ARHGAP25: variants seen among roughly 807,000 people sequenced by gnomAD.
ARHGAP25 encodes rho GTPase-activating protein 25.
Under a neutral mutation model 71.0 loss-of-function variants are expected in ARHGAP25, and 34 were observed. The observed-to-expected ratio is 0.48, with a 90% CI of 0.36 to 0.64. The LOEUF (loss-of-function observed/expected upper bound fraction) is 0.64, where lower values mean the gene tolerates loss of function less well. Ranked by LOEUF, ARHGAP25 falls within the 30% of genes least tolerant of loss-of-function variation. The probability of loss-of-function intolerance (pLI) is 0.00; values close to 1 mark genes in which losing one functional copy is unlikely to be tolerated. For missense variants in ARHGAP25, 706 were observed against 805.1 expected (o/e 0.88, Z 1.49); for synonymous variants, 282 against 296.5 (o/e 0.95, Z 0.50).
chr2:68,807,287 C>T lies in ARHGAP25; in HGVS notation c.481C>T (p.Arg161Cys), dbSNP rs141376321. The T allele has an allele frequency of 1.9e-6, 3 of 1,614,220 alleles. No individual in the cohort carries two copies. The highest frequency in any genetic ancestry group is 2.2e-5 in the East Asian group (1 of 44,872). The change falls in exon 5 of 11, where the codon CGC becomes TGC. Residue 161 changes from arginine (R) to cysteine (C), a missense_variant. Transcript: ENST00000409202. ...TCTCTCCTCAGCAGTGTTTGGCCAGCGCTTGGATGAGACTGTGGCCTATGA... is the reference window on the plus strand; with the variant it reads ...TCTCTCCTCAGCAGTGTTTGGCCAGTGCTTGGATGAGACTGTGGCCTATGA... The part of the protein sequence containing the change: ...GTPCGAVFGQ[R>C]LDETVAYEQK...
chr2:68,719,477 A>C (rs1031267377), intron 2 of ARHGAP25, among the ~76,000 whole-genome samples: 1 of 152,000 alleles, frequency 6.6e-6, no homozygotes, highest in African/African-American at 2.4e-5. Flanking sequence ...CAAACAAATA[A>C]GAACAACGCC....
At chr2:68,743,899 T>C (rs944452907) in intron 1 of ARHGAP25, among the ~76,000 whole-genome samples, 5 of 152,190 alleles carry the variant, frequency 3.3e-5, no homozygotes, top group East Asian at 3.8e-4. Flanking sequence ...GCTGTAATTG[T>C]GTTAGGTGCT....
intron 6 of ARHGAP25, among the ~76,000 whole-genome samples, chr2:68,814,294 G>GGTCTAA (rs1681047082): frequency 6.6e-6 from 1 of 152,166 alleles, no homozygotes; most frequent in South Asian, 2.1e-4. Context: ...AACTTTCTAT[G>GGTCTAA]GTAATGGAAC....
At chr2:68,785,678 A>T (rs1340101214) in intron 3 of ARHGAP25, among the ~76,000 whole-genome samples, 1 of 152,214 alleles carries the variant, frequency 6.6e-6, no homozygotes, top group Non-Finnish European at 1.5e-5. Flanking sequence ...AAGGGATTAT[A>T]GAATAAGGAC....
Position 68,822,555 on chromosome 2 carries a change from G to C in ARHGAP25, c.1416G>C (p.Ser472=). The C allele has an allele frequency of 1.9e-6, 3 of 1,614,158 alleles. No individual in the cohort carries two copies. The highest frequency in any genetic ancestry group is 2.5e-6 in the Non-Finnish European group (3 of 1,180,036). The change falls in exon 10 of 11, where the codon TCG becomes TCC. Residue 472 remains serine (S), a synonymous_variant. Coordinates refer to ENST00000409202, the MANE Select transcript of ARHGAP25 (RefSeq NM_001007231.3). ...KMEIFKNEFW[S]PSSEAKAGEG... ...AGATCTTTAAAAATGAATTCTGGTCGCCTTCCTCAGAGGCTAAGGCAGGGG... is the reference window on the plus strand; with the variant it reads ...AGATCTTTAAAAATGAATTCTGGTCCCCTTCCTCAGAGGCTAAGGCAGGGG...
chr2:68,729,273 A>G (rs141381642), intron 2 of ARHGAP25, among the ~76,000 whole-genome samples: 130 of 152,338 alleles, frequency 8.5e-4, no homozygotes, highest in African/African-American at 3.1e-3. Flanking sequence ...AATACAGCTC[A>G]TAAAAAACAA....
rs368824672 is a variant in ARHGAP25 at position 68,805,345 on chromosome 2, G to A, written c.467-1928G>A. On this transcript the variant is annotated intron_variant, in intron 4 of 10. Transcript: ENST00000409202. The stretch of plus-strand genomic sequence containing the variant: ...AGAAGTATCTAATCACAGTCTCACC[G>A]CAATGCAATAAGTGAAACGAACAAC... Among the ~76,000 whole-genome samples, 422 of 152,088 alleles carry A rather than the reference G, an allele frequency of 2.8e-3. 1 individual carries two copies. The highest frequency in any genetic ancestry group is 9.6e-3 in the African/African-American group (397 of 41,500).
intron 5 of ARHGAP25, among the ~76,000 whole-genome samples, chr2:68,812,093 G>C (rs939962116): frequency 2.6e-5 from 4 of 152,086 alleles, no homozygotes; most frequent in Non-Finnish European, 4.4e-5. Context: ...TTCTTAATGG[G>C]CCACATATTA....
At chr2:68,790,703 C>G (rs1679109544) in intron 4 of ARHGAP25, among the ~76,000 whole-genome samples, 1 of 152,168 alleles carries the variant, frequency 6.6e-6, no homozygotes, top group Non-Finnish European at 1.5e-5. Flanking sequence ...TGTCAAATTA[C>G]AGCACTAACC....
At chr2:68,769,536 A>G (rs13413887) in intron 1 of ARHGAP25, among the ~76,000 whole-genome samples, 107,988 of 151,970 alleles carry the variant, frequency 0.71, 38,980 homozygotes, top group Non-Finnish European at 0.77. Flanking sequence ...TAGGTGCACG[A>G]TACAAGGATG....
chr2:68,818,935 G>T (rs1681432998), intron 8 of ARHGAP25, among the ~76,000 whole-genome samples, 188 bp from the exon 9 acceptor site: 2 of 152,170 alleles, frequency 1.3e-5, no homozygotes, highest in African/African-American at 4.8e-5. Context: ...GTGTCCTTCT[G>T]TTCCATCCCT....
chr2:68,778,057 G>A (rs1056932262), intron 2 of ARHGAP25, among the ~76,000 whole-genome samples: 42 of 152,176 alleles, frequency 2.8e-4, no homozygotes, highest in Non-Finnish European at 1.5e-4. Flanking sequence ...TTATATGAAT[G>A]TTCCATAATT....
intron 1 of ARHGAP25, chr2:68,757,549 G>T (rs577454683): frequency 1.3e-5 from 2 of 152,110 alleles, no homozygotes; most frequent in Admixed American, 1.3e-4. Flanking sequence ...AATTTTATAC[G>T]CAGAAAAAAT....
At position 68,734,950 on chromosome 2, in the gene ARHGAP25, G is replaced by A; in HGVS notation, c.-250G>A. The A allele has an allele frequency of 3.4e-6, 2 of 580,120 alleles. No homozygotes were observed. The highest frequency in any genetic ancestry group is 6.1e-6 in the Non-Finnish European group (2 of 326,520). 35.9% of individuals were successfully genotyped at this position (580,120 alleles called of 1,614,324 possible). ...CAAGAAAAGCAGGGTGCTAGCCCCT[G>A]TGGGACTGAGGGTGGAGGCTGGGGG... On this transcript the variant is annotated 5_prime_UTR_variant, in exon 1 of 11. In the 5' UTR this introduces an upstream ATG that the reference lacks. Transcript: ENST00000409202.
intron 4 of ARHGAP25, among the ~76,000 whole-genome samples, chr2:68,795,718 T>C (rs1679492398): frequency 6.6e-6 from 1 of 152,184 alleles, no homozygotes; most frequent in South Asian, 2.1e-4. Flanking sequence ...CCCTGTGTTG[T>C]TGAGAAGAAT....
At chr2:68,763,071 A>C (rs1474543731) in intron 1 of ARHGAP25, among the ~76,000 whole-genome samples, 1 of 152,244 alleles carries the variant, frequency 6.6e-6, no homozygotes, top group Non-Finnish European at 1.5e-5. Context: ...ATAAATAATA[A>C]AATTTTATGA....
chr2:68,742,085 G>A (rs939755234), intron 1 of ARHGAP25, among the ~76,000 whole-genome samples: 2 of 152,162 alleles, frequency 1.3e-5, no homozygotes, highest in Non-Finnish European at 2.9e-5. Flanking sequence ...GACTGACTAA[G>A]GTGACAGCTG....
At chr2:68,776,506 T>C (rs544939710) in intron 2 of ARHGAP25, among the ~76,000 whole-genome samples, 5 of 152,314 alleles carry the variant, frequency 3.3e-5, no homozygotes, top group African/African-American at 9.6e-5. Context: ...AGCTTCTGGA[T>C]ATACTTTGAA....
chr2:68,782,979 A>G (rs1678455133), intron 3 of ARHGAP25, among the ~76,000 whole-genome samples: 1 of 152,246 alleles, frequency 6.6e-6, no homozygotes, highest in South Asian at 2.1e-4. Context: ...CTAGAGGCTA[A>G]TCTGGCTGTG....
Sources: gnomAD v4.1 joint callset for allele counts (sites outside exome capture counted in the v4.1 genomes callset) on GRCh38, gnomAD v4.1.1 for gene constraint, MANE v1.5 for transcripts, NCBI Gene and HGNC (gene_info 2026-07-23, HGNC 2026-07-21) for gene names.